The following MYO16 variants were observed in gnomAD, a reference collection of about 807,000 sequenced individuals.
The protein encoded by MYO16 is myosin XVI.
A neutral mutation model predicts 205.3 loss-of-function variants in MYO16; 94 were observed. That is an observed-to-expected ratio of 0.46 (90% confidence interval 0.39 to 0.54). The LOEUF is 0.54. Among genes scored for constraint, MYO16 ranks in the 20% least tolerant of loss-of-function variants. The pLI, the probability that MYO16 is intolerant of heterozygous loss-of-function variation, is 0.00. For missense variants in MYO16, 2,315 were observed against 2,387.5 expected (o/e 0.97, Z 0.63); for synonymous variants, 988 against 954.0 (o/e 1.04, Z -0.66).
In MYO16 at chr13:109,055,272, CACAG is replaced by C. The variant is rs1264157914; in HGVS notation, c.3130-116_3130-113del. The C allele has an allele frequency of 1.0e-6, 1 of 955,614 alleles. No individual in the cohort carries two copies. Among genetic ancestry groups the C allele is most frequent in the Non-Finnish European group, 1.6e-6 (1 of 638,722 alleles). The allele number at this position is 955,614 out of a possible 1,614,324, so 59.2% of individuals were successfully genotyped here. A position where few individuals can be genotyped will look rare whatever the true frequency, so the allele number is the denominator to read the frequency against. ...ACACACACACACACACACACACACA[CACAG>C]AGTAAATGCATAATGAGATTTAAAG... On this transcript the variant is annotated intron_variant, in intron 26 of 34. Coordinates refer to ENST00000457511, the MANE Select transcript of MYO16 (RefSeq NM_001198950.3). This position sits in a 1 kb window ranked among gnomAD's most constrained non-coding sequence, Gnocchi z 5.0.
the MYO16 span, among the ~76,000 whole-genome samples, chr13:108,520,323 A>G: frequency 1.3e-5 from 2 of 152,226 alleles, no homozygotes; most frequent in African/African-American, 4.8e-5. Flanking sequence ...ACAATTATGT[A>G]TCTCTGAAGG....
chr13:109,042,421 C>T (rs1486084737), intron 23 of MYO16, among the ~76,000 whole-genome samples: 1 of 152,130 alleles, frequency 6.6e-6, no homozygotes, highest in Non-Finnish European at 1.5e-5. Context: ...TTCAGATGGT[C>T]TCCATGTCAT....
intron 25 of MYO16, among the ~76,000 whole-genome samples, chr13:109,054,086 A>T (rs1330689260): frequency 3.3e-5 from 5 of 152,090 alleles, no homozygotes; most frequent in African/African-American, 4.8e-5. Flanking sequence ...TGTGAAATGT[A>T]ATAGTAGGTT....
At chr13:108,501,037 T>C in the MYO16 span, among the ~76,000 whole-genome samples, 1 of 152,204 alleles carries the variant, frequency 6.6e-6, no homozygotes, top group African/African-American at 2.4e-5. Context: ...CATGAGCTGC[T>C]TCTAGCTTTG....
At chr13:108,645,819 A>G (rs1160592871) in intron 1 of MYO16, among the ~76,000 whole-genome samples, 4 of 152,178 alleles carry the variant, frequency 2.6e-5, no homozygotes, top group Non-Finnish European at 5.9e-5. Flanking sequence ...TACCTTGTAC[A>G]TTCTCCACCT....
chr13:108,740,581 C>T (rs1026049635), intron 4 of MYO16, among the ~76,000 whole-genome samples: 1 of 152,168 alleles, frequency 6.6e-6, no homozygotes, highest in Non-Finnish European at 1.5e-5. Flanking sequence ...ACTCGAGGGT[C>T]AGGGACTCAC....
intron 16 of MYO16, among the ~76,000 whole-genome samples, chr13:108,954,384 G>A (rs1883268391): frequency 6.6e-6 from 1 of 152,192 alleles, no homozygotes; most frequent in African/African-American, 2.4e-5. Flanking sequence ...TCAGGAAGAT[G>A]CATAGAAACC....
chr13:109,012,407 T>C (rs779569203), intron 22 of MYO16, among the ~76,000 whole-genome samples: 13 of 152,128 alleles, frequency 8.5e-5, no homozygotes, highest in Non-Finnish European at 1.9e-4. Context: ...TAGGTTCTCA[T>C]AGGAGCAGGA....
chr13:109,010,617 G>T (rs1885560070), intron 22 of MYO16, among the ~76,000 whole-genome samples: 1 of 151,982 alleles, frequency 6.6e-6, no homozygotes, highest in Admixed American at 6.6e-5. Flanking sequence ...CCAGAGAAGA[G>T]GTCTGTCACT....
intron 1 of MYO16, among the ~76,000 whole-genome samples, chr13:108,642,385 A>AATGGAGTT (rs1465356129): frequency 2.0e-5 from 3 of 152,126 alleles, no homozygotes; most frequent in Non-Finnish European, 1.5e-5. Context: ...CTAGGGCAGG[A>AATGGAGTT]ATGGAGTTAC....
chr13:109,083,247 G>T (rs1385096435), intron 27 of MYO16, among the ~76,000 whole-genome samples: 1 of 151,900 alleles, frequency 6.6e-6, no homozygotes, highest in African/African-American at 2.4e-5. Context: ...GCTGGACGTG[G>T]TGGTGGGCGC....
intron 4 of MYO16, among the ~76,000 whole-genome samples, chr13:108,728,300 A>G (rs1234646866): frequency 6.6e-6 from 1 of 152,244 alleles, no homozygotes; most frequent in Non-Finnish European, 1.5e-5. Context: ...ACAAAAGCAA[A>G]CTGATGCTCG....
At chr13:108,836,598 G>A (rs368889865) in intron 9 of MYO16, among the ~76,000 whole-genome samples, 15 of 152,042 alleles carry the variant, frequency 9.9e-5, no homozygotes, top group African/African-American at 2.7e-4. Context: ...AAGCAGCCGG[G>A]TGCAGGGCCA....
At chr13:108,541,407 A>G in the MYO16 span, among the ~76,000 whole-genome samples, 535 of 151,176 alleles carry the variant, frequency 3.5e-3, 9 homozygotes, top group South Asian at 0.057. Context: ...TTTGTATTTT[A>G]TAAATATTAA....
At chr13:108,655,717 C>T (rs1000699281) in intron 1 of MYO16, among the ~76,000 whole-genome samples, 2 of 152,126 alleles carry the variant, frequency 1.3e-5, no homozygotes, top group African/African-American at 4.8e-5. Flanking sequence ...GGTGGAGCTG[C>T]CCAAGACTAT....
At chr13:109,108,826 AG>A (rs1889199584) in intron 28 of MYO16, among the ~76,000 whole-genome samples, 1 of 152,110 alleles carries the variant, frequency 6.6e-6, no homozygotes, top group Non-Finnish European at 1.5e-5. Flanking sequence ...GGCAGGACCA[AG>A]GGGCCCAGGG....
chr13:108,916,507 T>G (rs188093550), intron 16 of MYO16, among the ~76,000 whole-genome samples: 7 of 152,346 alleles, frequency 4.6e-5, no homozygotes, highest in Admixed American at 1.3e-4. Flanking sequence ...ATGTCTGTCT[T>G]TATTTTGCAT....
At chr13:108,517,444 G>A in the MYO16 span, among the ~76,000 whole-genome samples, 13,987 of 152,200 alleles carry the variant, frequency 0.092, 826 homozygotes, top group East Asian at 0.23. Flanking sequence ...TGTACGCCCT[G>A]CTGGTGAATT....
rs144404849 is a variant in MYO16 at position 109,103,874 on chromosome 13, G to A, written c.3438+2987G>A. On this transcript the variant is annotated intron_variant, in intron 28 of 34. Coordinates refer to ENST00000457511, the MANE Select transcript of MYO16 (RefSeq NM_001198950.3). ...TAGTCACAGGTTTGTAGTCGCACAT[G>A]AGGTACTGGAATTTTTAGTATTTAA... 6.1e-3 allele frequency among the ~76,000 whole-genome samples: 922 copies of A among 152,280 alleles called. 12 individuals carry two copies. Among genetic ancestry groups the A allele is most frequent in the African/African-American group, 0.021 (872 of 41,550 alleles).
Sources: allele counts gnomAD v4.1 joint callset (sites outside exome capture counted in the v4.1 genomes callset), GRCh38; gene constraint gnomAD v4.1.1; non-coding constraint Gnocchi (gnomAD v3.1); transcripts MANE v1.5; gene names NCBI Gene and HGNC (gene_info 2026-07-23, HGNC 2026-07-21).